The following CCDC158 variants were observed in gnomAD, a reference collection of about 807,000 sequenced individuals.
CCDC158 encodes the protein coiled-coil domain containing 158.
A neutral mutation model predicts 138.6 loss-of-function variants in CCDC158; 116 were observed. That is an observed-to-expected ratio of 0.84 (90% confidence interval 0.72 to 0.98). The LOEUF is 0.98. Ranked by LOEUF, CCDC158 falls within the 50% of genes least tolerant of loss-of-function variation. The pLI, the probability that CCDC158 is intolerant of heterozygous loss-of-function variation, is 0.00. For synonymous variants in CCDC158, 436 were observed against 442.4 expected (o/e 0.99, Z 0.18); for missense variants, 1,265 against 1,306.1 (o/e 0.97, Z 0.48).
intron 19 of CCDC158, 92 bp from the exon 20 acceptor site, chr4:76,332,583 T>C: frequency 9.8e-7 from 1 of 1,021,810 alleles, no homozygotes; most frequent in Non-Finnish European, 1.4e-6. Flanking sequence ...ATATATTCAA[T>C]TTTTCTTTTA....
At chr4:76,388,127 C>G (rs534538519) in intron 4 of CCDC158, among the ~76,000 whole-genome samples, 1 of 152,112 alleles carries the variant, frequency 6.6e-6, no homozygotes, top group African/African-American at 2.4e-5. Context: ...TGCTGGCTTC[C>G]GGGGTGACCT....
intron 9 of CCDC158, among the ~76,000 whole-genome samples, chr4:76,373,557 C>G (rs114886248): frequency 0.011 from 1,611 of 152,152 alleles, 25 homozygotes; most frequent in African/African-American, 0.037. Flanking sequence ...TTACTATTTA[C>G]TATTTATTTT....
intron 13 of CCDC158, 30 bp from the exon 14 acceptor site, chr4:76,357,556 GT>G: frequency 7.3e-7 from 1 of 1,372,660 alleles, no homozygotes; most frequent in Non-Finnish European, 9.7e-7. Context: ...ATAATAGATG[GT>G]TACTTTTTTC....
chr4:76,322,104 T>C (rs77630789), intron 24 of CCDC158, among the ~76,000 whole-genome samples: 6,713 of 151,990 alleles, frequency 0.044, 224 homozygotes, highest in Non-Finnish European at 0.07. Flanking sequence ...AACTTTTCCC[T>C]GTAACTAAAC....
chr4:76,326,562 A>G (rs1050566100), intron 22 of CCDC158, among the ~76,000 whole-genome samples: 1 of 152,228 alleles, frequency 6.6e-6, no homozygotes, highest in Non-Finnish European at 1.5e-5. Context: ...TATCTGCATG[A>G]AAAAATCATA....
At chr4:76,389,853 A>G (rs1468427058) in intron 4 of CCDC158, among the ~76,000 whole-genome samples, 1 of 152,216 alleles carries the variant, frequency 6.6e-6, no homozygotes, top group Admixed American at 6.5e-5. Context: ...GTAGAATAGT[A>G]TATCTGGTGA....
intron 4 of CCDC158, among the ~76,000 whole-genome samples, chr4:76,393,310 G>A (rs1354307031): frequency 2.0e-5 from 3 of 151,838 alleles, no homozygotes; most frequent in African/African-American, 7.3e-5. Flanking sequence ...ATAGAATAGA[G>A]AACCCAGAAA....
At chr4:76,323,245 AAAG>A (rs1270879324) in intron 24 of CCDC158, 54 bp downstream of exon 24, 19 of 1,282,542 alleles carry the variant, frequency 1.5e-5, no homozygotes, top group Non-Finnish European at 2.0e-5. Context: ...CTTAATCTGA[AAAG>A]AAGGTGAACA....
At position 76,362,195 on chromosome 4, in the gene CCDC158, T is replaced by C. The variant is rs202125081; in HGVS notation, c.1951A>G (p.Ile651Val). 6.2e-6 allele frequency: 10 copies of C among 1,614,174 alleles called. No homozygotes were observed. The Admixed American group carries it at 1.7e-4, about 27-fold the overall frequency. Residue 651 changes from isoleucine (I) to valine (V), a missense_variant, in exon 13 of 25, where the codon ATC becomes GTC. Transcript: ENST00000682701. ...GSERLRAVKD[I>V]KQERDQLLNE... ...AATAATTGATCTCTCTCTTGTTTGATGTCCTTCACTGCACGGAGCCGCTCA... is the reference window on the plus strand; with the variant it reads ...AATAATTGATCTCTCTCTTGTTTGACGTCCTTCACTGCACGGAGCCGCTCA...
At chr4:76,416,614 C>T (rs904181036) in intron 1 of CCDC158, among the ~76,000 whole-genome samples, 1 of 152,184 alleles carries the variant, frequency 6.6e-6, no homozygotes, top group African/African-American at 2.4e-5. Flanking sequence ...GGACTTCGTG[C>T]CCTGTGTCCC....
intron 10 of CCDC158, among the ~76,000 whole-genome samples, chr4:76,369,881 G>C (rs1460631464): frequency 6.6e-6 from 1 of 152,158 alleles, no homozygotes; most frequent in Non-Finnish European, 1.5e-5. Flanking sequence ...AAATACAGTA[G>C]ATTTTAAAAG....
chr4:76,318,597 T>C (rs1017475173), intron 24 of CCDC158, among the ~76,000 whole-genome samples: 1 of 152,128 alleles, frequency 6.6e-6, no homozygotes, highest in African/African-American at 2.4e-5. Flanking sequence ...AAAGGATTGG[T>C]ACCCATCTTA....
At chr4:76,328,686 C>G (rs1720745471) in intron 22 of CCDC158, among the ~76,000 whole-genome samples, 1 of 152,200 alleles carries the variant, frequency 6.6e-6, no homozygotes, top group Non-Finnish European at 1.5e-5. Context: ...CATAAGGGAA[C>G]AGGGCATAAA....
intron 12 of CCDC158, among the ~76,000 whole-genome samples, chr4:76,363,669 G>A (rs1724377405): frequency 6.6e-6 from 1 of 152,078 alleles, no homozygotes; most frequent in African/African-American, 2.4e-5. Flanking sequence ...AGTAGGGCTG[G>A]AGTGAAGTGA....
intron 4 of CCDC158, among the ~76,000 whole-genome samples, chr4:76,390,075 A>C (rs548062441): frequency 1.3e-5 from 2 of 152,156 alleles, no homozygotes; most frequent in Non-Finnish European, 2.9e-5. Context: ...ATAACACTGT[A>C]ATTGTGGTGT....
At position 76,355,515 on chromosome 4, in the gene CCDC158, T is replaced by C; in HGVS notation, c.2174-79A>G. 7.6e-6 allele frequency: 7 copies of C among 923,880 alleles called. 1 individual carries two copies. The South Asian group carries it at 7.8e-5, about 10-fold the overall frequency. The allele number at this position is 923,880 out of a possible 1,614,324, so 57.2% of individuals were successfully genotyped here. On this transcript the variant is annotated intron_variant, in intron 14 of 24. Coordinates refer to ENST00000682701, the MANE Select transcript of CCDC158 (RefSeq NM_001394954.1). ...ATGGTAATTTGATGGTTAAACTTTA[T>C]GAGAAGGTGACAAGTAAGATCCTCC...
At chr4:76,402,321 G>A (rs977292908) in intron 3 of CCDC158, among the ~76,000 whole-genome samples, 1 of 152,140 alleles carries the variant, frequency 6.6e-6, no homozygotes, top group Non-Finnish European at 1.5e-5. Context: ...GGAAGAGCTC[G>A]CAGAAGAGCT....
intron 15 of CCDC158, among the ~76,000 whole-genome samples, chr4:76,354,371 A>G (rs963688205): frequency 5.3e-5 from 8 of 152,174 alleles, no homozygotes; most frequent in African/African-American, 1.9e-4. Context: ...ATATTTGCTA[A>G]TATTTAGCTG....
intron 3 of CCDC158, among the ~76,000 whole-genome samples, chr4:76,396,769 G>C (rs1024498822): frequency 6.6e-6 from 1 of 152,064 alleles, no homozygotes; most frequent in African/African-American, 2.4e-5. Context: ...CTGACCTCAG[G>C]TGAGCTGCCC....
Sources: allele counts gnomAD v4.1 joint callset (sites outside exome capture counted in the v4.1 genomes callset), GRCh38; gene constraint gnomAD v4.1.1; transcripts MANE v1.5; gene names NCBI Gene and HGNC (gene_info 2026-07-23, HGNC 2026-07-21).